GLB1L3: variants seen among roughly 807,000 people sequenced by gnomAD.
GLB1L3 encodes the protein galactosidase beta 1 like 3.
A neutral mutation model predicts 89.5 loss-of-function variants in GLB1L3; 89 were observed. The ratio of observed to expected loss-of-function variants is 0.99; its 90% CI spans 0.84 to 1.19. The LOEUF (loss-of-function observed/expected upper bound fraction) is 1.19. Ranked by LOEUF, GLB1L3 falls within the 50% of genes most tolerant of loss-of-function variation. The probability of loss-of-function intolerance (pLI) is 0.00; values close to 1 mark genes in which losing one functional copy is unlikely to be tolerated. For synonymous variants in GLB1L3, 314 were observed against 312.3 expected, an observed-to-expected ratio of 1.01 and a Z score of -0.06; for missense variants, 812 against 813.3, an observed-to-expected ratio of 1.00 and a Z score of 0.02.
intron 9 of GLB1L3, among the ~76,000 whole-genome samples, chr11:134,304,161 A>T (rs1942076560): frequency 6.6e-6 from 1 of 152,092 alleles, no homozygotes; most frequent in Non-Finnish European, 1.5e-5. Context: ...AATTCCAGCT[A>T]AATTCATTAA....
At chr11:134,313,848 G>A in intron 16 of GLB1L3, 93 bp from the exon 17 acceptor site, 1 of 800,236 alleles carries the variant, frequency 1.2e-6, no homozygotes, top group Non-Finnish European at 2.1e-6. Flanking sequence ...CTGTCCTAAG[G>A]CATGTACAAG....
In GLB1L3 at chr11:134,312,384, C is replaced by T. The variant is rs369453594; in HGVS notation, c.1323C>T (p.Asn441=). The change falls in exon 14 of 20, where the codon AAC becomes AAT. Residue 441 remains asparagine, a synonymous_variant. Transcript: ENST00000431683. ...VRSRQPVNME[N]LPINNGSGQS... is the part of the protein sequence containing the mutation. ...CGCGTCAGCCCGTCAACATGGAGAA[C>T]CTTCCCATAAACAATGGGAGCGGCC... 4.3e-5 allele frequency: 69 copies of T among 1,613,736 alleles called. No individual in the cohort carries two copies. In the African/African-American group the frequency reaches 8.7e-4, roughly 20 times the overall value.
chr11:134,281,344 A>G (rs1370790986), intron 3 of GLB1L3, 33 bp from the exon 4 acceptor site: 21 of 1,612,612 alleles, frequency 1.3e-5, no homozygotes, highest in Non-Finnish European at 1.8e-5. Context: ...AAATAAGAAG[A>G]TACTCATCAT....
chr11:134,308,544 T>TCACCACCATCAC (rs1565414379), intron 10 of GLB1L3, among the ~76,000 whole-genome samples: 1 of 16,510 alleles, frequency 6.1e-5, no homozygotes. Context: ...ACCACCACCA[T>TCACCACCATCAC]CACCATCACC....
downstream of GLB1L3, among the ~76,000 whole-genome samples, chr11:134,320,737 AC>A (rs1345605698): frequency 2.2e-5 from 3 of 134,184 alleles, no homozygotes; most frequent in Non-Finnish European, 3.2e-5. Flanking sequence ...TACAAGAAAA[AC>A]AAAAAAAAAA....
chr11:134,312,390 C>G lies in GLB1L3; in HGVS notation c.1329C>G (p.Pro443=). Residue 443 remains proline, a synonymous_variant, in exon 14 of 20, where the codon CCC becomes CCG. Transcript: ENST00000431683. ...AGCCCGTCAACATGGAGAACCTTCC[C>G]ATAAACAATGGGAGCGGCCAGTCCT... ...SRQPVNMENL[P]INNGSGQSYG... is the part of the protein sequence containing the mutation. 1 of 1,613,842 alleles carries G rather than the reference C, an allele frequency of 6.2e-7. No homozygotes were observed. Among genetic ancestry groups the G allele is most frequent in the Non-Finnish European group, 8.5e-7 (1 of 1,179,884 alleles).
At chr11:134,308,566 C>T (rs1211477305) in intron 10 of GLB1L3, among the ~76,000 whole-genome samples, 11 of 145,848 alleles carry the variant, frequency 7.5e-5, no homozygotes, top group Non-Finnish European at 1.2e-4. Context: ...TCACCACCAC[C>T]ACCACCATCA....
At chr11:134,312,980 CTGCTGCTGG>C in intron 15 of GLB1L3, 93 bp downstream of exon 15, 1 of 894,176 alleles carries the variant, frequency 1.1e-6, no homozygotes, top group South Asian at 1.4e-5. Context: ...TTCTCCACCC[CTGCTGCTGG>C]TGCTGCTGCT....
rs1943089528 is a variant in GLB1L3 at position 134,318,822 on chromosome 11, A to G, written c.1897-55A>G. On this transcript the variant is annotated intron_variant, in intron 19 of 19. Coordinates refer to ENST00000431683, the MANE Select transcript of GLB1L3 (RefSeq NM_001080407.3). ...AATGTGAGTTGCAGTGTCTTTTTCA[A>G]CCTGTACTAAATAGGCTTCACCTTT... 1.9e-6 allele frequency: 3 copies of G among 1,558,228 alleles called. No individual in the cohort carries two copies. In the East Asian group the frequency reaches 6.7e-5, roughly 35 times the overall value.
chr11:134,291,335 A>G (rs1313184774), intron 7 of GLB1L3, among the ~76,000 whole-genome samples: 2 of 146,680 alleles, frequency 1.4e-5, no homozygotes, highest in Admixed American at 6.9e-5. Context: ...ATCTCGGTTC[A>G]TTGCAACCTC....
Position 134,313,482 on chromosome 11 carries a change from C to T in GLB1L3, c.1579+8C>T. On this transcript the variant is annotated splice_region_variant and intron_variant, in intron 16 of 19. Coordinates refer to ENST00000431683, the MANE Select transcript of GLB1L3 (RefSeq NM_001080407.3). ...TACAGAATGAGCAGAAAGGTGGGCT[C>T]TGGCTGTGGCTTCTCCTCAGTTGCT... is the stretch of plus-strand genomic sequence containing the variant. The T allele has an allele frequency of 6.5e-7, 1 of 1,545,408 alleles. No homozygotes were observed. The highest frequency in any genetic ancestry group is 2.5e-5 in the East Asian group (1 of 40,722).
chr11:134,308,473 A>ATCACC (rs1565413915), intron 10 of GLB1L3, among the ~76,000 whole-genome samples: 1 of 4,746 alleles, frequency 2.1e-4, no homozygotes, highest in Non-Finnish European at 4.3e-4. Flanking sequence ...ACCACCACCA[A>ATCACC]ATACCACCAC....
intron 10 of GLB1L3, among the ~76,000 whole-genome samples, chr11:134,308,247 C>CCACCACCATCAT (rs1942352086): frequency 3.8e-5 from 1 of 26,536 alleles, no homozygotes; most frequent in African/African-American, 1.9e-4. Context: ...ATCACCATCA[C>CCACCACCATCAT]CACCATCACC....
At position 134,319,498 on chromosome 11, in the gene GLB1L3, A is replaced by G. The variant is rs1398080803; in HGVS notation, c.*556A>G. On this transcript the variant is annotated 3_prime_UTR_variant, in exon 20 of 20. Coordinates refer to ENST00000431683, the MANE Select transcript of GLB1L3 (RefSeq NM_001080407.3). ...TTATCTAGTTAAATGCTTAATCCTT[A>G]GCAGGCTCTTATTCTTTAATTAAAC... The G allele has an allele frequency of 6.6e-6, 1 of 152,278 alleles. No homozygotes were observed. The highest frequency in any genetic ancestry group is 1.5e-5 in the Non-Finnish European group (1 of 68,098). 9.4% of individuals were successfully genotyped at this position (152,278 alleles called of 1,614,324 possible). A position where few individuals can be genotyped will look rare whatever the true frequency, so the allele number is the denominator to read the frequency against.
At chr11:134,310,399 CAGGA>C (rs1942665532) in intron 11 of GLB1L3, 168 bp from the exon 12 acceptor site, 1 of 591,456 alleles carries the variant, frequency 1.7e-6, no homozygotes, top group Non-Finnish European at 3.0e-6. Flanking sequence ...GGAAGGTGCC[CAGGA>C]AGAGTTGTGG....
intron 5 of GLB1L3, among the ~76,000 whole-genome samples, chr11:134,283,435 G>A (rs1265845177): frequency 1.3e-5 from 2 of 152,216 alleles, no homozygotes; most frequent in South Asian, 4.1e-4. Context: ...AGCTCTTTAA[G>A]ACATGGCTGT....
chr11:134,308,498 A>T (rs1203053072), intron 10 of GLB1L3, among the ~76,000 whole-genome samples: 1 of 5,684 alleles, frequency 1.8e-4, no homozygotes, highest in Non-Finnish European at 3.6e-4. Flanking sequence ...ATCACCACCA[A>T]ATACCACCAC....
intron 7 of GLB1L3, among the ~76,000 whole-genome samples, chr11:134,291,019 G>A (rs1941326979): frequency 6.6e-6 from 1 of 152,060 alleles, no homozygotes; most frequent in South Asian, 2.1e-4. Context: ...ACCAGGCTGA[G>A]ACCGAGACAG....
rs1005414678 is a variant in GLB1L3, at chr11:134,279,714, T to G, written c.363-1663T>G. 3.3e-5 allele frequency among the ~76,000 whole-genome samples: 5 copies of G among 152,352 alleles called. No homozygotes were observed. In the East Asian group the frequency reaches 9.6e-4, roughly 29 times the overall value. On this transcript the variant is annotated intron_variant, in intron 3 of 19. Transcript: ENST00000431683. ...GGGACTTAAGAAATTTTTCCTTTCT[T>G]TCCTGTACTCACTTGGAAGTTATAT...
Sources: gnomAD v4.1 joint callset for allele counts (sites outside exome capture counted in the v4.1 genomes callset) on GRCh38, gnomAD v4.1.1 for gene constraint, MANE v1.5 for transcripts, NCBI Gene and HGNC (gene_info 2026-07-23, HGNC 2026-07-21) for gene names.